Variants in GALNT17 observed in about 807,000 individuals in gnomAD.
GALNT17 encodes polypeptide N-acetylgalactosaminyltransferase 17.
Under a neutral mutation model 63.7 loss-of-function variants are expected in GALNT17, and 29 were observed. The ratio of observed to expected loss-of-function variants is 0.46; its 90% confidence interval spans 0.34 to 0.62. The LOEUF (loss-of-function observed/expected upper bound fraction) is 0.62. GALNT17 is among the 20% of genes least tolerant of loss of function. The pLI is 0.01. For synonymous variants in GALNT17, 305 were observed against 318.3 expected (o/e 0.96, Z 0.45); for missense variants, 603 against 799.6 (o/e 0.75, Z 2.97).
intron 1 of GALNT17, among the ~76,000 whole-genome samples, chr7:71,312,398 T>G (rs1176815809): frequency 6.6e-6 from 1 of 152,210 alleles, no homozygotes; most frequent in East Asian, 1.9e-4. Flanking sequence ...ATCAAAACCT[T>G]AATGTTAACT....
In GALNT17 at chr7:71,254,324, G is replaced by T. The variant is rs553425158; in HGVS notation, c.239-81226G>T. 1.8e-3 allele frequency among the ~76,000 whole-genome samples: 278 copies of T among 152,282 alleles called. 3 individuals carry two copies. The highest frequency in any genetic ancestry group is 0.017 in the Middle Eastern group (5 of 294). The stretch of plus-strand genomic sequence containing the variant: ...TCTTATTGGACATAAAAGGGTGCCA[G>T]ACTCTTACTTAATTCTCTCCTGGAT... On this transcript the variant is annotated intron_variant, in intron 1 of 10. Coordinates refer to ENST00000333538, the MANE Select transcript of GALNT17 (RefSeq NM_022479.3).
At chr7:71,687,069 G>A (rs113931434) in intron 9 of GALNT17, among the ~76,000 whole-genome samples, 253 of 152,132 alleles carry the variant, frequency 1.7e-3, no homozygotes, top group African/African-American at 5.1e-3. Context: ...GGACATTAGC[G>A]CCCAGGACCT....
rs998557966 is a variant in GALNT17, at chr7:71,372,682, T to C, written c.423-15553T>C. Reference sequence around the variant, plus strand: ...TTTGCCCAAGCTGATCTCAACCCTCTGGTCTCAAGTGATCCTCTTGCCTCT... The same window carrying C: ...TTTGCCCAAGCTGATCTCAACCCTCCGGTCTCAAGTGATCCTCTTGCCTCT... On this transcript the variant is annotated intron_variant, in intron 2 of 10. Transcript: ENST00000333538. Among the ~76,000 whole-genome samples, 8 of 152,320 alleles carry C rather than the reference T, an allele frequency of 5.3e-5. No homozygotes were observed. The South Asian group carries it at 1.2e-3, about 24-fold the overall frequency.
chr7:71,364,733 G>A (rs979275217), intron 2 of GALNT17, among the ~76,000 whole-genome samples: 15 of 152,100 alleles, frequency 9.9e-5, no homozygotes, highest in African/African-American at 3.4e-4. Flanking sequence ...CTAGAGCTTA[G>A]CATGCTTTCT....
chr7:71,233,096 G>C (rs1789823665), intron 1 of GALNT17, among the ~76,000 whole-genome samples: 1 of 152,182 alleles, frequency 6.6e-6, no homozygotes, highest in Non-Finnish European at 1.5e-5. Flanking sequence ...CACCAACCCG[G>C]AAGAAAGCCA....
intron 6 of GALNT17, among the ~76,000 whole-genome samples, chr7:71,626,265 C>A (rs941785164): frequency 1.5e-4 from 22 of 150,772 alleles, no homozygotes; most frequent in Non-Finnish European, 3.2e-4. Flanking sequence ...AGAAGGGACA[C>A]AGACACACAC....
At chr7:71,325,765 G>T (rs899425123) in intron 1 of GALNT17, among the ~76,000 whole-genome samples, 3 of 152,124 alleles carry the variant, frequency 2.0e-5, no homozygotes, top group Admixed American at 6.5e-5. Flanking sequence ...GGATTTCTGG[G>T]TTCTGTGTGA....
chr7:71,298,113 C>T (rs1791116659), intron 1 of GALNT17, among the ~76,000 whole-genome samples: 1 of 152,304 alleles, frequency 6.6e-6, no homozygotes, highest in South Asian at 2.1e-4. Flanking sequence ...CTCCGCCTCC[C>T]AAGCTTAAGT....
chr7:71,334,995 G>A (rs557975452), intron 1 of GALNT17, among the ~76,000 whole-genome samples: 26 of 152,256 alleles, frequency 1.7e-4, no homozygotes, highest in African/African-American at 6.0e-4. Context: ...GGAAACAGGC[G>A]TGAATAATGG....
At chr7:71,287,590 G>T (rs183536598) in intron 1 of GALNT17, among the ~76,000 whole-genome samples, 1 of 152,086 alleles carries the variant, frequency 6.6e-6, no homozygotes, top group Non-Finnish European at 1.5e-5. Context: ...GTCAGACTGC[G>T]TGCAACTTCT....
intron 1 of GALNT17, among the ~76,000 whole-genome samples, chr7:71,270,538 CAAAAAA>C (rs573250852): frequency 2.2e-5 from 2 of 89,204 alleles, no homozygotes; most frequent in Non-Finnish European, 2.1e-5. Flanking sequence ...CCCACCCCAC[CAAAAAA>C]AAAAAAAAAA....
chr7:71,182,195 A>G (rs1406249757), intron 1 of GALNT17, among the ~76,000 whole-genome samples: 1 of 152,116 alleles, frequency 6.6e-6, no homozygotes, highest in Admixed American at 6.6e-5. Context: ...AATAAATAAG[A>G]GAGAGAATCA....
In GALNT17 at chr7:71,420,620, C is replaced by G. The variant is rs1023303939; in HGVS notation, c.765-288C>G. On this transcript the variant is annotated intron_variant, in intron 4 of 10. Transcript: ENST00000333538. ...TTGGCACTTTCTTGGGAAGGAGACC[C>G]CATGTTCTGAACTCCTCTTGCTCCA... Among the ~76,000 whole-genome samples, 14 of 152,230 alleles carry G rather than the reference C, an allele frequency of 9.2e-5. 1 individual carries two copies. The Middle Eastern group carries it at 0.01, about 111-fold the overall frequency.
chr7:71,503,131 AAT>A (rs1788206979), intron 5 of GALNT17, among the ~76,000 whole-genome samples: 1 of 152,114 alleles, frequency 6.6e-6, no homozygotes, highest in African/African-American at 2.4e-5. Flanking sequence ...TAAATGCTGA[AAT>A]CCTTCAAGAC....
chr7:71,480,647 C>T (rs1787802638), intron 5 of GALNT17, among the ~76,000 whole-genome samples: 1 of 152,198 alleles, frequency 6.6e-6, no homozygotes, highest in Non-Finnish European at 1.5e-5. Flanking sequence ...GCTGGGATTA[C>T]AGGCATGTAC....
chr7:71,523,046 A>G (rs948488950), intron 5 of GALNT17, among the ~76,000 whole-genome samples: 4 of 152,142 alleles, frequency 2.6e-5, no homozygotes, highest in African/African-American at 7.2e-5. Flanking sequence ...TCTCTATGGT[A>G]CATAAAAAGC....
intron 5 of GALNT17, among the ~76,000 whole-genome samples, chr7:71,496,623 G>T (rs1788099044): frequency 6.6e-6 from 1 of 152,090 alleles, no homozygotes; most frequent in South Asian, 2.1e-4. Context: ...GGAGGGTGAG[G>T]AGGAAGGCAC....
At chr7:71,696,737 T>C (rs1024831038) in intron 9 of GALNT17, among the ~76,000 whole-genome samples, 1 of 152,182 alleles carries the variant, frequency 6.6e-6, no homozygotes, top group Non-Finnish European at 1.5e-5. Context: ...TTTTTCCCAA[T>C]GCATTAGGGT....
chr7:71,454,980 A>G (rs959205993), intron 5 of GALNT17, among the ~76,000 whole-genome samples: 6 of 152,124 alleles, frequency 3.9e-5, no homozygotes, highest in African/African-American at 1.4e-4. Flanking sequence ...CAGCCTGGGC[A>G]ACATGGTGAA....
Sources: allele counts gnomAD v4.1 joint callset (sites outside exome capture counted in the v4.1 genomes callset), GRCh38; gene constraint gnomAD v4.1.1; transcripts MANE v1.5; gene names NCBI Gene and HGNC (gene_info 2026-07-23, HGNC 2026-07-21).